FGF14: variants seen among roughly 807,000 people sequenced by gnomAD.
FGF14 encodes the protein fibroblast growth factor 14.
A neutral mutation model predicts 25.5 loss-of-function variants in FGF14; 5 were observed. That is an observed-to-expected ratio of 0.20 (90% CI 0.10 to 0.41). The LOEUF (loss-of-function observed/expected upper bound fraction) is 0.41. Ranked by LOEUF, FGF14 falls within the 10% of genes least tolerant of loss-of-function variation. FGF14 has a pLI of 1.00. For missense variants in FGF14, 222 were observed against 320.1 expected (o/e 0.69, Z 2.34); for synonymous variants, 138 against 118.3 (o/e 1.17, Z -1.08).
chr13:101,749,840 C>T (rs1477662532), intron 3 of FGF14, among the ~76,000 whole-genome samples: 2 of 151,980 alleles, frequency 1.3e-5, no homozygotes, highest in Admixed American at 6.6e-5. Context: ...ACTACTAAAG[C>T]TGGTGTTTGC....
At chr13:102,396,511 A>C (rs2058588046) in intron 1 of FGF14, among the ~76,000 whole-genome samples, 1 of 152,228 alleles carries the variant, frequency 6.6e-6, no homozygotes, top group African/African-American at 2.4e-5. Context: ...CATATGTATA[A>C]AAACACTTCA....
intron 1 of FGF14, among the ~76,000 whole-genome samples, chr13:102,059,515 C>T (rs1267492260): frequency 6.6e-6 from 1 of 152,222 alleles, no homozygotes; most frequent in African/African-American, 2.4e-5. Context: ...AGGAACTATG[C>T]AAGTCTTCTA....
chr13:102,089,315 A>C (rs892702065), intron 1 of FGF14, among the ~76,000 whole-genome samples: 6 of 152,194 alleles, frequency 3.9e-5, no homozygotes, highest in African/African-American at 9.6e-5. Flanking sequence ...ATTACATTCT[A>C]TCCAGAAGAG....
chr13:101,781,136 GTCTC>G (rs60887373), intron 3 of FGF14, among the ~76,000 whole-genome samples: 1 of 150,904 alleles, frequency 6.6e-6, no homozygotes, highest in African/African-American at 2.4e-5. Context: ...CTTTGTCTTT[GTCTC>G]TCTCTCTCTC....
At chr13:102,013,680 C>T (rs1354750834) in intron 1 of FGF14, among the ~76,000 whole-genome samples, 1 of 152,192 alleles carries the variant, frequency 6.6e-6, no homozygotes, top group African/African-American at 2.4e-5. Flanking sequence ...TCCTCCCAAT[C>T]TCAGAAGCGT....
At chr13:102,074,137 A>C (rs530462771) in intron 1 of FGF14, among the ~76,000 whole-genome samples, 6 of 152,260 alleles carry the variant, frequency 3.9e-5, no homozygotes, top group African/African-American at 1.4e-4. Context: ...TCAGCCTCCA[A>C]GTAGGTGGGA....
intron 3 of FGF14, among the ~76,000 whole-genome samples, chr13:101,756,771 C>A (rs1304429546): frequency 1.3e-5 from 2 of 151,440 alleles, no homozygotes; most frequent in African/African-American, 4.9e-5. Context: ...AACAAACAAA[C>A]AAAAAACTGT....
At chr13:102,026,201 C>A (rs189354696) in intron 1 of FGF14, among the ~76,000 whole-genome samples, 1 of 151,846 alleles carries the variant, frequency 6.6e-6, no homozygotes, top group African/African-American at 2.4e-5. Flanking sequence ...GATGAGCATG[C>A]TATATTTTGT....
Position 102,076,212 on chromosome 13 carries a change from C to A in FGF14, c.209-200916G>T, listed in dbSNP as rs1202060183. Among the ~76,000 whole-genome samples the A allele has an allele frequency of 5.9e-5, 9 of 152,174 alleles. No homozygotes were observed. The East Asian group carries it at 1.7e-3, about 29-fold the overall frequency. ...TGACTTACCCAGAACAACTTCCAGT[C>A]TTGCAAGCCCCGTTCATGGTAAGTG... On this transcript the variant is annotated intron_variant, in intron 1 of 4. Transcript: ENST00000376131.
At chr13:102,153,540 T>C (rs967696117) in intron 1 of FGF14, among the ~76,000 whole-genome samples, 2 of 152,204 alleles carry the variant, frequency 1.3e-5, no homozygotes, top group African/African-American at 4.8e-5. Flanking sequence ...TCAAATGAGA[T>C]ACAGTACATG....
chr13:102,101,061 T>C (rs2044638873), intron 1 of FGF14, among the ~76,000 whole-genome samples: 1 of 151,866 alleles, frequency 6.6e-6, no homozygotes, highest in African/African-American at 2.4e-5. Flanking sequence ...ATCACACCAT[T>C]GTACTCCAGC....
chr13:101,850,744 G>C (rs1027067163), intron 3 of FGF14, among the ~76,000 whole-genome samples: 1 of 148,182 alleles, frequency 6.7e-6, no homozygotes, highest in Non-Finnish European at 1.5e-5. Context: ...TATAGAGTGT[G>C]TATATATATT....
intron 1 of FGF14, among the ~76,000 whole-genome samples, chr13:102,036,200 C>T (rs1463497508): frequency 6.6e-6 from 1 of 152,086 alleles, no homozygotes; most frequent in African/African-American, 2.4e-5. Flanking sequence ...GTGTCAATGC[C>T]TTTGTTTAAA....
chr13:102,335,021 G>A (rs1021792230), intron 1 of FGF14, among the ~76,000 whole-genome samples: 24 of 151,952 alleles, frequency 1.6e-4, no homozygotes, highest in Non-Finnish European at 2.4e-4. Flanking sequence ...CTTTTTTCCC[G>A]TCTATACCCT....
chr13:101,941,296 CAA>C (rs2035433958), intron 1 of FGF14, among the ~76,000 whole-genome samples: 1 of 152,196 alleles, frequency 6.6e-6, no homozygotes, highest in Non-Finnish European at 1.5e-5. Flanking sequence ...TACCCAATCT[CAA>C]AGCAAGTAAA....
At chr13:101,917,992 C>T (rs916938644), upstream of FGF14, among the ~76,000 whole-genome samples, 1 of 152,132 alleles carries the variant, frequency 6.6e-6, no homozygotes. Context: ...AGACAGGACA[C>T]TCCAATTTGA....
intron 1 of FGF14, among the ~76,000 whole-genome samples, chr13:102,166,278 ATATT>A (rs1248116844): frequency 6.6e-6 from 1 of 151,944 alleles, no homozygotes; most frequent in African/African-American, 2.4e-5. Context: ...ATTTTATTTT[ATATT>A]TAGTTTTATT....
At chr13:102,229,875 T>C (rs1409421544) in intron 1 of FGF14, among the ~76,000 whole-genome samples, 1 of 152,202 alleles carries the variant, frequency 6.6e-6, no homozygotes, top group Non-Finnish European at 1.5e-5. Context: ...GGGTGAATTA[T>C]TTGAGCATGC....
At chr13:101,836,757 T>C (rs1429635760) in intron 3 of FGF14, among the ~76,000 whole-genome samples, 1 of 152,016 alleles carries the variant, frequency 6.6e-6, no homozygotes. Context: ...TTTTATTTTA[T>C]TGTCCTATTG....
Sources: allele counts gnomAD v4.1 joint callset (sites outside exome capture counted in the v4.1 genomes callset), GRCh38; gene constraint gnomAD v4.1.1; transcripts MANE v1.5; gene names NCBI Gene and HGNC (gene_info 2026-07-23, HGNC 2026-07-21).